Variants in SUMF2 observed in about 807,000 individuals in gnomAD.
SUMF2 encodes the protein sulfatase modifying factor 2, also known as inactive C-alpha-formylglycine-generating enzyme 2.
SUMF2 carries 45 observed loss-of-function variants against 44.8 expected under a neutral mutation model. The observed-to-expected ratio is 1.00, with a 90% CI of 0.79 to 1.29. The LOEUF (loss-of-function observed/expected upper bound fraction) is 1.29, where lower values mean the gene tolerates loss of function less well. SUMF2 is among the 50% of genes most tolerant of loss of function. The pLI is 0.00. For missense variants in SUMF2, 418 were observed against 389.9 expected, an observed-to-expected ratio of 1.07 and a Z score of -0.61; for synonymous variants, 148 against 150.4, an observed-to-expected ratio of 0.98 and a Z score of 0.12.
At chr7:56,075,038 CG>C (rs1795447041) in intron 5 of SUMF2, among the ~76,000 whole-genome samples, 1 of 151,986 alleles carries the variant, frequency 6.6e-6, no homozygotes, top group Non-Finnish European at 1.5e-5. Context: ...TTCAAAGCTG[CG>C]GCGAGCTATG....
chr7:56,086,484 GTTTTGTTTTGT>G, the SUMF2 span, among the ~76,000 whole-genome samples: 1 of 151,928 alleles, frequency 6.6e-6, no homozygotes, highest in Admixed American at 6.6e-5. Context: ...GGTTTTTTTT[GTTTTGTTTTGT>G]TTTTGTTTTT....
At chr7:56,068,286 C>T (rs572559099) in intron 1 of SUMF2, among the ~76,000 whole-genome samples, 196 bp from the exon 2 acceptor site, 7 of 152,102 alleles carry the variant, frequency 4.6e-5, no homozygotes, top group Admixed American at 3.3e-4. Flanking sequence ...CTACCCGCCT[C>T]GGCCTCTCAA....
At chr7:56,076,699 TA>T in intron 5 of SUMF2, 134 bp from the exon 6 acceptor site, 1 of 777,970 alleles carries the variant, frequency 1.3e-6, no homozygotes. Context: ...GCATGGCAAA[TA>T]AAAGCAGGTC....
downstream of SUMF2, among the ~76,000 whole-genome samples, chr7:56,085,343 C>T (rs942581076): frequency 2.0e-5 from 3 of 152,154 alleles, no homozygotes; most frequent in Non-Finnish European, 4.4e-5. Context: ...AGCAATCCTC[C>T]CACCACAGCC....
At chr7:56,087,475 C>A in the SUMF2 span, 1 of 858,282 alleles carries the variant, frequency 1.2e-6, no homozygotes, top group East Asian at 2.6e-5. Context: ...GAGGGTGGAG[C>A]TGGGAGCCTT....
chr7:56,087,712 C>T, the SUMF2 span: 3 of 1,613,784 alleles, frequency 1.9e-6, no homozygotes, highest in East Asian at 4.5e-5. Context: ...ACGTCGATGA[C>T]CTTCACGGCG....
rs376617542 is a variant in SUMF2, at chr7:56,079,587, C to T, written c.881C>T (p.Ala294Val). 2 of 1,614,066 alleles carry T rather than the reference C, an allele frequency of 1.2e-6. No homozygotes were observed. Among genetic ancestry groups the T allele is most frequent in the African/African-American group, 1.3e-5 (1 of 74,946 alleles). ...DNLGFRCAAD[A>V]GRPPGEL ...CTCGGTTTCCGCTGTGCTGCAGACG[C>T]AGGCCGGCCGCCAGGGGAGCTGTAA... is the stretch of plus-strand genomic sequence containing the variant. Residue 294 changes from alanine (A) to valine (V), a missense_variant, in exon 9 of 9, where the codon GCA (alanine) becomes GTA (valine). Ala to Val is a moderately conservative substitution (Grantham distance 64). Coordinates refer to ENST00000434526, the MANE Select transcript of SUMF2 (RefSeq NM_015411.4).
rs1584611125 is a variant in SUMF2 at position 56,079,663 on chromosome 7, C to G, written c.*51C>G. The G allele has an allele frequency of 1.9e-6, 3 of 1,614,142 alleles. No homozygotes were observed. In the East Asian group the frequency reaches 6.7e-5, roughly 36 times the overall value. On this transcript the variant is annotated 3_prime_UTR_variant, in exon 9 of 9. Coordinates refer to ENST00000434526, the MANE Select transcript of SUMF2 (RefSeq NM_015411.4). Reference sequence around the variant, plus strand: ...AGCCTTCTAGGGTCACTGTCATTCCCTGGCCATGTTGCAAACAGCGCAATT... The same window carrying G: ...AGCCTTCTAGGGTCACTGTCATTCCGTGGCCATGTTGCAAACAGCGCAATT...
chr7:56,078,305 A>C, intron 7 of SUMF2, 59 bp from the exon 8 acceptor site: 1 of 1,557,872 alleles, frequency 6.4e-7, no homozygotes. Flanking sequence ...AGGACCTCAG[A>C]GGGTAGGCGG....
downstream of SUMF2, chr7:56,084,258 A>G: frequency 6.9e-7 from 1 of 1,445,866 alleles, no homozygotes; most frequent in Middle Eastern, 1.7e-4. Flanking sequence ...TGGAAGTGAC[A>G]GTGTGGACTG....
chr7:56,065,950 G>A (rs1226711892), intron 1 of SUMF2, among the ~76,000 whole-genome samples: 4 of 151,552 alleles, frequency 2.6e-5, no homozygotes, highest in Non-Finnish European at 4.4e-5. Context: ...GCGTGGTGGC[G>A]GGCGCCTGTA....
chr7:56,082,342 TA>T, downstream of SUMF2: 1 of 1,030,038 alleles, frequency 9.7e-7, no homozygotes, highest in Admixed American at 2.1e-5. Flanking sequence ...TCTATAATCC[TA>T]GCACTTTGGG....
chr7:56,081,150 G>C, downstream of SUMF2: 1 of 1,613,890 alleles, frequency 6.2e-7, no homozygotes. The surrounding 1 kb of genome is among the most constrained non-coding windows in gnomAD (Gnocchi z 4.6). Context: ...TCACCCAGTG[G>C]CCATAGATTC....
At chr7:56,069,268 G>A (rs936788181) in intron 2 of SUMF2, among the ~76,000 whole-genome samples, 1 of 151,980 alleles carries the variant, frequency 6.6e-6, no homozygotes, top group Non-Finnish European at 1.5e-5. Flanking sequence ...TCTACATGGG[G>A]AAGGGATTGG....
chr7:56,086,160 T>C, the SUMF2 span, among the ~76,000 whole-genome samples: 1 of 151,728 alleles, frequency 6.6e-6, no homozygotes, highest in Non-Finnish European at 1.5e-5. Context: ...AGGAAGCCCC[T>C]GTCTCTTGCT....
At chr7:56,087,716 C>T in the SUMF2 span, 1 of 1,613,896 alleles carries the variant, frequency 6.2e-7, no homozygotes, top group Non-Finnish European at 8.5e-7. Context: ...CGATGACCTT[C>T]ACGGCGTACT....
chr7:56,068,277 T>C (rs9767946), intron 1 of SUMF2, among the ~76,000 whole-genome samples: 72,578 of 151,564 alleles, frequency 0.48, 17,910 homozygotes, highest in East Asian at 0.69. Flanking sequence ...CCTCGTCATC[T>C]ACCCGCCTCG....
At chr7:56,081,844 C>A (rs372050246), downstream of SUMF2, 2 of 1,609,730 alleles carry the variant, frequency 1.2e-6, no homozygotes, top group Non-Finnish European at 1.7e-6. This position sits in a 1 kb window ranked among gnomAD's most constrained non-coding sequence, Gnocchi z 4.6. Flanking sequence ...GGCAGGGGCG[C>A]CTGGCATCGC....
chr7:56,066,402 C>T (rs1794801968), intron 1 of SUMF2, among the ~76,000 whole-genome samples: 1 of 151,996 alleles, frequency 6.6e-6, no homozygotes, highest in Non-Finnish European at 1.5e-5. Context: ...TTGGTTTGCT[C>T]CTGTGGAATA....
Sources: allele counts gnomAD v4.1 joint callset (sites outside exome capture counted in the v4.1 genomes callset), GRCh38; gene constraint gnomAD v4.1.1; non-coding constraint Gnocchi (gnomAD v3.1); transcripts MANE v1.5; gene names NCBI Gene and HGNC (gene_info 2026-07-23, HGNC 2026-07-21).